DNAAF4: variants seen among roughly 807,000 people sequenced by gnomAD.
DNAAF4 encodes dynein assembly factor 4, axonemal.
In DNAAF4, 43 loss-of-function variants were observed where a neutral mutation model predicts 51.8. The observed-to-expected ratio is 0.83, with a 90% confidence interval of 0.65 to 1.07. The LOEUF is 1.07. Among genes scored for constraint, DNAAF4 ranks in the 50% least tolerant of loss-of-function variants. The pLI, the probability that DNAAF4 is intolerant of heterozygous loss-of-function variation, is 0.00. For synonymous variants in DNAAF4, 194 were observed against 165.6 expected, an observed-to-expected ratio of 1.17 and a Z score of -1.32; for missense variants, 581 against 493.0, an observed-to-expected ratio of 1.18 and a Z score of -1.69.
At chr15:55,433,892 A>G (rs2057547634) in intron 8 of DNAAF4, among the ~76,000 whole-genome samples, 1 of 20,740 alleles carries the variant, frequency 4.8e-5, no homozygotes, top group Non-Finnish European at 9.2e-5. Flanking sequence ...TATTATATAT[A>G]TATTATATAT....
chr15:55,430,787 T>A lies in DNAAF4; in HGVS notation c.1154-8A>T. 1 of 1,587,010 alleles carries A rather than the reference T, an allele frequency of 6.3e-7. No individual in the cohort carries two copies. On this transcript the variant is annotated splice_region_variant and splice_polypyrimidine_tract_variant and intron_variant, in intron 9 of 9. Transcript: ENST00000321149. ...CTTCATAATCCTGTAGGCCTGTGTT[T>A]ATATAGCAATGATGATTAATACAAT...
At chr15:55,437,643 T>G (rs1252723974) in intron 7 of DNAAF4, among the ~76,000 whole-genome samples, 1 of 152,110 alleles carries the variant, frequency 6.6e-6, no homozygotes, top group East Asian at 1.9e-4. Flanking sequence ...AGGTGGGACT[T>G]ACATAAACAC....
At chr15:55,463,170 TCTCACACACACACACACACA>T (rs2058118425) in intron 5 of DNAAF4, among the ~76,000 whole-genome samples, 2 of 119,962 alleles carry the variant, frequency 1.7e-5, no homozygotes, top group African/African-American at 5.9e-5. Flanking sequence ...TGAGACTCTG[TCTCACACACACACACACACA>T]CACACACACA....
At chr15:55,499,305 T>C (rs561095243) in intron 1 of DNAAF4, among the ~76,000 whole-genome samples, 25 of 152,208 alleles carry the variant, frequency 1.6e-4, no homozygotes, top group Middle Eastern at 3.2e-3. Context: ...TTGGGTCTTA[T>C]AGGGCTCACC....
At chr15:55,427,876 C>T (rs975690081), downstream of DNAAF4, among the ~76,000 whole-genome samples, 7 of 151,946 alleles carry the variant, frequency 4.6e-5, no homozygotes, top group African/African-American at 1.7e-4. Context: ...CTCAGGTGAT[C>T]CACCCGCCTC....
At chr15:55,496,361 T>C in intron 3 of DNAAF4, among the ~76,000 whole-genome samples, 1 of 152,218 alleles carries the variant, frequency 6.6e-6, no homozygotes. Context: ...GAGTATTATT[T>C]TAAAATTCCA....
At chr15:55,452,781 G>A (rs1293509619) in intron 5 of DNAAF4, among the ~76,000 whole-genome samples, 1 of 152,196 alleles carries the variant, frequency 6.6e-6, no homozygotes, top group African/African-American at 2.4e-5. Context: ...CTCAAAAGCT[G>A]ACACAAAGCT....
intron 6 of DNAAF4, chr15:55,442,857 C>A: frequency 6.2e-7 from 1 of 1,612,710 alleles, no homozygotes; most frequent in Non-Finnish European, 8.5e-7. Flanking sequence ...TCATTGCACA[C>A]ATACCAACAG....
At chr15:55,467,302 T>C (rs2058184582) in intron 4 of DNAAF4, 141 bp from the exon 5 acceptor site, 1 of 820,596 alleles carries the variant, frequency 1.2e-6, no homozygotes, top group Non-Finnish European at 1.9e-6. Context: ...TAGTGAATTA[T>C]GAATTAAAAT....
intron 4 of DNAAF4, among the ~76,000 whole-genome samples, chr15:55,467,860 C>T (rs78755396): frequency 0.037 from 5,606 of 152,202 alleles, 103 homozygotes; most frequent in African/African-American, 0.051. Flanking sequence ...AACTTTTCTG[C>T]CTTTCAAACT....
intron 4 of DNAAF4, among the ~76,000 whole-genome samples, chr15:55,474,498 C>T (rs916010350): frequency 6.6e-6 from 1 of 151,990 alleles, no homozygotes; most frequent in Non-Finnish European, 1.5e-5. Context: ...TATGCCACTG[C>T]ACTCCAGCCT....
intron 4 of DNAAF4, among the ~76,000 whole-genome samples, chr15:55,485,994 CAA>C (rs55936805): frequency 0.043 from 3,352 of 77,716 alleles, 113 homozygotes; most frequent in African/African-American, 0.13. Context: ...GACTCCATCT[CAA>C]AAAAAAAAAA....
chr15:55,454,620 C>G (rs554566802), intron 5 of DNAAF4, among the ~76,000 whole-genome samples: 1 of 152,026 alleles, frequency 6.6e-6, no homozygotes, highest in African/African-American at 2.4e-5. Flanking sequence ...TCAAGTAATT[C>G]GCCCAACTCA....
intron 6 of DNAAF4, among the ~76,000 whole-genome samples, chr15:55,444,168 T>C (rs1215207844): frequency 2.6e-5 from 4 of 152,244 alleles, no homozygotes; most frequent in African/African-American, 9.6e-5. Flanking sequence ...AGGGTTTTTA[T>C]GGTTTTAGGT....
chr15:55,508,012 G>A (rs2058735481), intron 1 of DNAAF4, 110 bp downstream of exon 1: 1 of 152,066 alleles, frequency 6.6e-6, no homozygotes, highest in African/African-American at 2.4e-5. Flanking sequence ...CTGGAAGTGG[G>A]GCACAGCAAT....
At position 55,470,781 on chromosome 15, in the gene DNAAF4, G is replaced by A. The variant is rs536204212; in HGVS notation, c.406-3620C>T. On this transcript the variant is annotated intron_variant, in intron 4 of 9. Coordinates refer to ENST00000321149, the MANE Select transcript of DNAAF4 (RefSeq NM_130810.4). ...GCTGGTCTTGAACTCCTGGGCTCAAGTGATCTACCCACCTCAGCCTCCCAA... is the reference window on the plus strand; with the variant it reads ...GCTGGTCTTGAACTCCTGGGCTCAAATGATCTACCCACCTCAGCCTCCCAA... 1.3e-3 allele frequency among the ~76,000 whole-genome samples: 195 copies of A among 150,806 alleles called. 1 individual carries two copies. Among genetic ancestry groups the A allele is most frequent in the Admixed American group, 2.4e-3 (36 of 15,114 alleles).
intron 3 of DNAAF4, among the ~76,000 whole-genome samples, chr15:55,491,524 G>C (rs983233640): frequency 1.6e-4 from 24 of 151,008 alleles, no homozygotes; most frequent in African/African-American, 5.6e-4. Context: ...CAGGTAATGA[G>C]AGGGAGAGGG....
intron 7 of DNAAF4, among the ~76,000 whole-genome samples, chr15:55,436,007 C>T (rs887507205): frequency 2.6e-5 from 4 of 152,136 alleles, no homozygotes; most frequent in Non-Finnish European, 5.9e-5. Context: ...AGACTGGTCT[C>T]GAACTCCCGA....
At chr15:55,445,777 C>A (rs572888542) in intron 6 of DNAAF4, among the ~76,000 whole-genome samples, 1 of 149,706 alleles carries the variant, frequency 6.7e-6, no homozygotes, top group Non-Finnish European at 1.5e-5. Flanking sequence ...GACGGGGTGG[C>A]CGGGCAGAGG....
Sources: allele counts gnomAD v4.1 joint callset (sites outside exome capture counted in the v4.1 genomes callset), GRCh38; gene constraint gnomAD v4.1.1; transcripts MANE v1.5; gene names NCBI Gene and HGNC (gene_info 2026-07-23, HGNC 2026-07-21).